Variants in TTC21B observed in about 807,000 individuals in gnomAD.
TTC21B encodes the protein tetratricopeptide repeat domain 21B, also known as tetratricopeptide repeat protein 21B.
TTC21B carries 127 observed loss-of-function variants against 175.1 expected under a neutral mutation model. That is an observed-to-expected ratio of 0.73 (90% CI 0.63 to 0.84). The LOEUF is 0.84. TTC21B is among the 40% of genes least tolerant of loss of function. The pLI, the probability that TTC21B is intolerant of heterozygous loss-of-function variation, is 0.00. For missense variants in TTC21B, 1,561 were observed against 1,558.3 expected, an observed-to-expected ratio of 1.00 and a Z score of -0.03; for synonymous variants, 524 against 524.5, an observed-to-expected ratio of 1.00 and a Z score of 0.01.
intron 18 of TTC21B, among the ~76,000 whole-genome samples, chr2:165,909,559 C>T (rs1028062835): frequency 6.6e-6 from 1 of 151,900 alleles, no homozygotes; most frequent in Non-Finnish European, 1.5e-5. Context: ...AAAATAATAC[C>T]TAACCTTATC....
intron 3 of TTC21B, chr2:165,947,914 G>C (rs1687639031): frequency 6.6e-6 from 1 of 152,172 alleles, no homozygotes; most frequent in South Asian, 2.1e-4. Context: ...GTGTCCAACA[G>C]AATCAACACT....
chr2:165,932,947 A>T (rs767894726), intron 7 of TTC21B, 26 bp downstream of exon 7: 2 of 1,587,150 alleles, frequency 1.3e-6, no homozygotes, highest in South Asian at 2.2e-5. Flanking sequence ...TAATATAGGA[A>T]ACTTAAATAA....
chr2:165,947,532 T>A (rs1037679293), intron 3 of TTC21B: 1 of 151,848 alleles, frequency 6.6e-6, no homozygotes, highest in East Asian at 1.9e-4. Context: ...ACAGCCATGA[T>A]ACAGAAACAG....
chr2:165,903,936 ATGTTATAATTCT>A, intron 19 of TTC21B, among the ~76,000 whole-genome samples: 1 of 152,194 alleles, frequency 6.6e-6, no homozygotes, highest in East Asian at 1.9e-4. Context: ...AGTGGGAAGA[ATGTTATAATTCT>A]TCAAACCTTA....
chr2:165,915,898 A>G (rs1037031765), intron 14 of TTC21B, among the ~76,000 whole-genome samples: 1 of 152,246 alleles, frequency 6.6e-6, no homozygotes, highest in Admixed American at 6.5e-5. Flanking sequence ...TTCAGAGATT[A>G]TAAGAATTCC....
At chr2:165,948,407 T>A (rs1687654024) in intron 3 of TTC21B, 1 of 152,240 alleles carries the variant, frequency 6.6e-6, no homozygotes, top group African/African-American at 2.4e-5. Flanking sequence ...TTAGGCACAG[T>A]TTCTTGAAGA....
At position 165,874,654 on chromosome 2, in the gene TTC21B, T is replaced by C. The variant is rs1323719462; in HGVS notation, c.*101A>G. The C allele has an allele frequency of 6.7e-6, 7 of 1,047,568 alleles. No homozygotes were observed. The highest frequency in any genetic ancestry group is 1.0e-5 in the Non-Finnish European group (7 of 676,846). The allele number at this position is 1,047,568 out of a possible 1,614,324, so 64.9% of individuals were successfully genotyped here. A position where few individuals can be genotyped will look rare whatever the true frequency, so the allele number is the denominator to read the frequency against. On this transcript the variant is annotated 3_prime_UTR_variant, in exon 29 of 29. Transcript: ENST00000243344. Reference sequence around the variant, plus strand: ...TGCTGGAGAAAAAAGGGTATACTTCTAATAACAAAGCACTGAGCTCAAACC... The same window carrying C: ...TGCTGGAGAAAAAAGGGTATACTTCCAATAACAAAGCACTGAGCTCAAACC...
intron 15 of TTC21B, among the ~76,000 whole-genome samples, chr2:165,914,992 C>T (rs1478088173): frequency 6.6e-6 from 1 of 151,686 alleles, no homozygotes; most frequent in African/African-American, 2.4e-5. Flanking sequence ...CTACAGCAAG[C>T]CAGTTTGAAG....
rs1560596 is a variant in TTC21B, at chr2:165,929,841, C to T, written c.1088-94G>A. On this transcript the variant is annotated intron_variant, in intron 9 of 28. Transcript: ENST00000243344. ...TAACAACATTAATAAAACACCCTTTCCCCCATCACAATACTTAACGTTTTA... is the reference window on the plus strand; with the variant it reads ...TAACAACATTAATAAAACACCCTTTTCCCCATCACAATACTTAACGTTTTA... 0.14 allele frequency: 115,110 copies of T among 843,350 alleles called. 8,923 individuals are homozygous for T. The highest frequency in any genetic ancestry group is 0.25 in the East Asian group (9,984 of 40,194). 52.2% of individuals were successfully genotyped at this position (843,350 alleles called of 1,614,324 possible). A position where few individuals can be genotyped will look rare whatever the true frequency, so the allele number is the denominator to read the frequency against.
At chr2:165,921,234 T>A (rs1330342556) in intron 12 of TTC21B, among the ~76,000 whole-genome samples, 2 of 152,088 alleles carry the variant, frequency 1.3e-5, no homozygotes, top group African/African-American at 4.8e-5. Flanking sequence ...GGAGATTGAA[T>A]TCAATCATAT....
At chr2:165,898,908 A>T in intron 21 of TTC21B, 141 bp from the exon 22 acceptor site, 1 of 679,470 alleles carries the variant, frequency 1.5e-6, no homozygotes, top group South Asian at 1.6e-5. Flanking sequence ...GGCATTTAAG[A>T]TTCAAGCCCA....
intron 11 of TTC21B, among the ~76,000 whole-genome samples, chr2:165,927,621 A>G (rs946264948): frequency 6.6e-6 from 1 of 151,600 alleles, no homozygotes; most frequent in African/African-American, 2.4e-5. Context: ...TAGGTACTCT[A>G]TAAACATTTG....
rs1331066854 is a variant in TTC21B at position 165,953,754 on chromosome 2, G to A, written c.-49C>T. The A allele has an allele frequency of 6.5e-7, 1 of 1,546,364 alleles. No homozygotes were observed. ...GGGCTCTGGGGATTGTCTCGCCGCA[G>A]CCTAAAGGAAGACGCAGAATTCAGC... is the stretch of plus-strand genomic sequence containing the variant. On this transcript the variant is annotated 5_prime_UTR_variant, in exon 1 of 29. Coordinates refer to ENST00000243344, the MANE Select transcript of TTC21B (RefSeq NM_024753.5).
At chr2:165,893,846 C>T (rs1685274816) in intron 22 of TTC21B, among the ~76,000 whole-genome samples, 1 of 151,930 alleles carries the variant, frequency 6.6e-6, no homozygotes, top group Non-Finnish European at 1.5e-5. Flanking sequence ...AAGCAGAGAA[C>T]AGTGTGGGGA....
chr2:165,897,426 A>G (rs1373301262), intron 22 of TTC21B, among the ~76,000 whole-genome samples: 1 of 152,146 alleles, frequency 6.6e-6, no homozygotes, highest in Non-Finnish European at 1.5e-5. Flanking sequence ...GAAAGATGAG[A>G]CAAAGGTTAA....
intron 6 of TTC21B, among the ~76,000 whole-genome samples, chr2:165,934,473 G>A (rs1194800666): frequency 1.6e-5 from 2 of 127,082 alleles, no homozygotes; most frequent in Non-Finnish European, 3.1e-5. Context: ...TTGCACTCCA[G>A]TCTGGGCAAC....
At chr2:165,878,196 T>C (rs1008642114) in intron 27 of TTC21B, among the ~76,000 whole-genome samples, 1 of 152,204 alleles carries the variant, frequency 6.6e-6, no homozygotes, top group African/African-American at 2.4e-5. Context: ...CACTATATTA[T>C]AATCACAGAA....
chr2:165,911,216 T>C, intron 18 of TTC21B, 111 bp downstream of exon 18: 1 of 1,384,570 alleles, frequency 7.2e-7, no homozygotes, highest in Non-Finnish European at 1.0e-6. Context: ...CATGTATTTA[T>C]ATAACCAACC....
chr2:165,874,939 T>C (rs1295297095), intron 28 of TTC21B, 107 bp from the exon 29 acceptor site: 2 of 935,322 alleles, frequency 2.1e-6, no homozygotes, highest in African/African-American at 3.3e-5. Flanking sequence ...TTCCTTGTAC[T>C]AATACTACAA....
Sources: gnomAD v4.1 joint callset for allele counts (sites outside exome capture counted in the v4.1 genomes callset) on GRCh38, gnomAD v4.1.1 for gene constraint, MANE v1.5 for transcripts, NCBI Gene and HGNC (gene_info 2026-07-23, HGNC 2026-07-21) for gene names.